PPP1R12C: variants seen among roughly 807,000 people sequenced by gnomAD.
The protein encoded by PPP1R12C is protein phosphatase 1 regulatory subunit 12C, also known as leukocyte receptor cluster (LRC) encoded novel gene 3.
PPP1R12C carries 48 observed loss-of-function variants against 95.6 expected under a neutral mutation model. The observed-to-expected ratio is 0.50, with a 90% confidence interval of 0.40 to 0.64. The LOEUF (loss-of-function observed/expected upper bound fraction) is 0.64, where lower values mean the gene tolerates loss of function less well. Ranked by LOEUF, PPP1R12C falls within the 30% of genes least tolerant of loss-of-function variation. The pLI, the probability that PPP1R12C is intolerant of heterozygous loss-of-function variation, is 0.00. For missense variants in PPP1R12C, 1,057 were observed against 1,083.3 expected (o/e 0.98, Z 0.34); for synonymous variants, 480 against 460.8 (o/e 1.04, Z -0.53).
Position 55,096,242 on chromosome 19 carries a change from G to A in PPP1R12C, c.1025+20C>T, listed in dbSNP as rs1365034000. On this transcript the variant is annotated intron_variant, in intron 7 of 21. Transcript: ENST00000263433. The stretch of plus-strand genomic sequence containing the variant: ...GGCCTCCAGCCACCCCGCCAGCCCT[G>A]GACTCCTCCCTCCCTATACCTTCTG... 6.2e-7 allele frequency: 1 copy of A among 1,613,730 alleles called. No homozygotes were observed. The highest frequency in any genetic ancestry group is 8.5e-7 in the Non-Finnish European group (1 of 1,179,898).
chr19:55,091,611 C>T, intron 21 of PPP1R12C, 39 bp downstream of exon 21: 3 of 1,595,832 alleles, frequency 1.9e-6, no homozygotes, highest in African/African-American at 1.3e-5. Flanking sequence ...CACCCCCACC[C>T]ACCCTCGGCC....
rs1293670898 is a variant in PPP1R12C, at chr19:55,092,242, C to G, written c.2140G>C (p.Glu714Gln). 1 of 1,584,930 alleles carries G rather than the reference C, an allele frequency of 6.3e-7. No homozygotes were observed. Among genetic ancestry groups the G allele is most frequent in the African/African-American group, 1.3e-5 (1 of 74,414 alleles). ...CTTACCTGCGTGGCCCGCTCCAGCT[C>G]CACCTTGAGCTGCGCCAGCCGCAGC... Reference protein sequence around the residue: ...TTLRLAQLKVELERATQRQER... With the variant: ...TTLRLAQLKVQLERATQRQER... Residue 714 changes from glutamate to glutamine, a missense_variant, in exon 19 of 22, where the codon GAG (glutamate) becomes CAG (glutamine). This residue lies in a region of PPP1R12C where 347 missense variants were observed against 307.9 expected (regional missense o/e 1.13). Coordinates refer to ENST00000263433, the MANE Select transcript of PPP1R12C (RefSeq NM_017607.4).
intron 3 of PPP1R12C, among the ~76,000 whole-genome samples, chr19:55,107,208 G>A (rs2085047691): frequency 6.6e-6 from 1 of 152,152 alleles, no homozygotes; most frequent in South Asian, 2.1e-4. Context: ...GAGGTCAGGA[G>A]TTCAAAACCA....
Position 55,112,718 on chromosome 19 carries a change from C to G in PPP1R12C, c.399G>C (p.Glu133Asp). The change falls in exon 2 of 22, where the codon GAG becomes GAC. Residue 133 changes from glutamate to aspartate, a missense_variant. Glu to Asp is a conservative substitution (Grantham distance 45, BLOSUM62 2). Coordinates refer to ENST00000263433, the MANE Select transcript of PPP1R12C (RefSeq NM_017607.4). ...QGATVNQADN[E>D]GWTPLHVAAS... is the part of the protein sequence containing the mutation. Reference sequence around the variant, plus strand: ...CGGCCACGTGCAGTGGCGTCCAGCCCTCGTTGTCTGCCTGGTTCACAGTGG... The same window carrying G: ...CGGCCACGTGCAGTGGCGTCCAGCCGTCGTTGTCTGCCTGGTTCACAGTGG... 1 of 1,613,948 alleles carries G rather than the reference C, an allele frequency of 6.2e-7. No individual in the cohort carries two copies.
Position 55,117,248 on chromosome 19 carries a change from G to A in PPP1R12C, c.296C>T (p.Ala99Val). 5.7e-6 allele frequency: 7 copies of A among 1,227,248 alleles called. No individual in the cohort carries two copies. The highest frequency in any genetic ancestry group is 7.1e-6 in the Non-Finnish European group (7 of 985,760). The allele number at this position is 1,227,248 out of a possible 1,614,324, so 76.0% of individuals were successfully genotyped here. The change falls in exon 1 of 22, where the codon GCC becomes GTC. Residue 99 changes from alanine (A) to valine (V), a missense_variant. By Grantham distance (64) the Ala-to-Val change is moderately conservative. Around this residue, in one of 5 missense-constraint regions of PPP1R12C, gnomAD observed 282 missense variants for 380.4 expected, o/e 0.74. Transcript: ENST00000263433. The part of the protein sequence containing the change: ...PARAVLDSTN[A>V]DGISALHQAC... ...CTGGTGCAGGGCGCTGATACCGTCG[G>A]CGTTGGTGGAGTCCAGCACGGCGCG...
At position 55,093,149 on chromosome 19, in the gene PPP1R12C, T is replaced by C. The variant is rs759226435; in HGVS notation, c.1764+4A>G. ...CCCCACTCGCCCTCGCTGACCCCTCTCACCAGGCTCTGCGCCGGCTTCTCT... is the reference window on the plus strand; with the variant it reads ...CCCCACTCGCCCTCGCTGACCCCTCCCACCAGGCTCTGCGCCGGCTTCTCT... On this transcript the variant is annotated splice_donor_region_variant and intron_variant, in intron 14 of 21. Transcript: ENST00000263433. The C allele has an allele frequency of 6.2e-7, 1 of 1,613,564 alleles. No individual in the cohort carries two copies. Among genetic ancestry groups the C allele is most frequent in the Non-Finnish European group, 8.5e-7 (1 of 1,179,916 alleles).
At chr19:55,095,980 A>G (rs561080708) in intron 8 of PPP1R12C, 40 bp from the exon 9 acceptor site, 2 of 1,608,996 alleles carry the variant, frequency 1.2e-6, no homozygotes, top group African/African-American at 1.3e-5. Context: ...AGAAGATGCC[A>G]GTTGCCTCTA....
chr19:55,101,459 A>G (rs34374641), intron 4 of PPP1R12C, among the ~76,000 whole-genome samples: 24,523 of 152,158 alleles, frequency 0.16, 2,073 homozygotes, highest in East Asian at 0.28. Context: ...CAAATCTCCA[A>G]CTGTTCCTTG....
intron 19 of PPP1R12C, 140 bp from the exon 20 acceptor site, chr19:55,092,049 C>T (rs2084848496): frequency 8.4e-7 from 1 of 1,194,360 alleles, no homozygotes; most frequent in African/African-American, 1.5e-5. Flanking sequence ...CCGCCACCGG[C>T]AGGCCCACAG....
At chr19:55,112,429 G>A (rs1313984438) in intron 3 of PPP1R12C, 38 bp downstream of exon 3, 2 of 1,561,358 alleles carry the variant, frequency 1.3e-6, no homozygotes, top group Non-Finnish European at 1.7e-6. Context: ...CGGGTGAGGA[G>A]GTGTCCCCCA....
chr19:55,098,585 T>C (rs1048770091), intron 6 of PPP1R12C, among the ~76,000 whole-genome samples, 199 bp downstream of exon 6: 1 of 152,194 alleles, frequency 6.6e-6, no homozygotes, highest in Non-Finnish European at 1.5e-5. Flanking sequence ...GGCAGGAAGC[T>C]CTGCAGCCCC....
rs1313181678 is a variant in PPP1R12C, at chr19:55,098,973, C to A, written c.854G>T (p.Gly285Val). The stretch of plus-strand genomic sequence containing the variant: ...CACCGCATGGGTCAGTGAGTCCATG[C>A]CCCCGCCATGCTCGGCCAGCAGGCG... ...ACRLLAEHGG[G>V]MDSLTHAGQR... Residue 285 changes from glycine (G) to valine (V), a missense_variant, in exon 5 of 22, where the codon GGC becomes GTC. Gly to Val is a moderately radical substitution (Grantham distance 109). This residue lies in a region of PPP1R12C where 282 missense variants were observed against 380.4 expected (regional missense o/e 0.74). Transcript: ENST00000263433. 3 of 1,569,950 alleles carry A rather than the reference C, an allele frequency of 1.9e-6. No individual in the cohort carries two copies. Among genetic ancestry groups the A allele is most frequent in the Non-Finnish European group, 2.6e-6 (3 of 1,157,448 alleles).
chr19:55,107,060 C>G (rs2085046030), intron 3 of PPP1R12C, among the ~76,000 whole-genome samples: 1 of 151,968 alleles, frequency 6.6e-6, no homozygotes. Flanking sequence ...GCCCCTGGAT[C>G]AAGCTATGCC....
rs2085106789 is a variant in PPP1R12C at position 55,112,468 on chromosome 19, T to G, written c.570A>C (p.Arg190=). 1 of 1,609,750 alleles carries G rather than the reference T, an allele frequency of 6.2e-7. No individual in the cohort carries two copies. Among genetic ancestry groups the G allele is most frequent in the African/African-American group, 1.3e-5 (1 of 74,842 alleles). The change falls in exon 3 of 22, where the codon CGA becomes CGC. Residue 190 remains arginine (R), a splice_region_variant and synonymous_variant. Transcript: ENST00000263433. ...CACACACAGCACACCAGAGCCCACC[T>G]CGGCGGGCGATCTCCGCCTTCAGCA... ...EGLLKAEIAR[R]GVDVEAAKRA...
intron 11 of PPP1R12C, 113 bp downstream of exon 11, chr19:55,095,178 G>T (rs1303693324): frequency 8.4e-7 from 1 of 1,196,966 alleles, no homozygotes; most frequent in Non-Finnish European, 1.2e-6. Context: ...GCTCTGGAGT[G>T]GCGGCAGGAA....
chr19:55,104,180 G>GAA (rs2085009526), intron 3 of PPP1R12C, among the ~76,000 whole-genome samples: 1 of 72,824 alleles, frequency 1.4e-5, no homozygotes, highest in African/African-American at 4.6e-5. Flanking sequence ...AAAAAAAAAA[G>GAA]TATATATATA....
At chr19:55,108,502 A>C (rs2085062572) in intron 3 of PPP1R12C, among the ~76,000 whole-genome samples, 1 of 152,028 alleles carries the variant, frequency 6.6e-6, no homozygotes, top group Non-Finnish European at 1.5e-5. Flanking sequence ...ATGTGTACCC[A>C]CTAAACTACT....
chr19:55,112,857 G>C (rs559495679), intron 1 of PPP1R12C, 62 bp from the exon 2 acceptor site: 2 of 1,597,472 alleles, frequency 1.3e-6, no homozygotes, highest in African/African-American at 2.7e-5. Context: ...AGCAAGTCGG[G>C]ACTCCAGAGG....
At position 55,094,406 on chromosome 19, in the gene PPP1R12C, T is replaced by G. The variant is rs562026249; in HGVS notation, c.1622A>C (p.Glu541Ala). Residue 541 changes from glutamate to alanine, a missense_variant, in exon 13 of 22, where the codon GAG (glutamate) becomes GCG (alanine). This residue lies in a region of PPP1R12C where 356 missense variants were observed against 330.5 expected (regional missense o/e 1.08). Transcript: ENST00000263433. ...RSYQMPVRDEESESQRKARSR... is the reference protein window; with the variant it reads ...RSYQMPVRDEASESQRKARSR... The stretch of plus-strand genomic sequence containing the variant: ...GCGAGCTTTTCTCTGGGATTCCGAC[T>G]CCTCATCCCGCACAGGCATCTGGTA... 8.7e-6 allele frequency: 14 copies of G among 1,613,686 alleles called. No homozygotes were observed. In the South Asian group the frequency reaches 1.4e-4, roughly 16 times the overall value.
Sources: allele counts gnomAD v4.1 joint callset (sites outside exome capture counted in the v4.1 genomes callset), GRCh38; gene constraint gnomAD v4.1.1; regional missense constraint gnomAD v4.1.1; transcripts MANE v1.5; gene names NCBI Gene and HGNC (gene_info 2026-07-23, HGNC 2026-07-21).